The following SCHIP1 variants were observed in gnomAD, a reference collection of about 807,000 sequenced individuals.
SCHIP1 encodes schwannomin-interacting protein 1.
Under a neutral mutation model 29.7 loss-of-function variants are expected in SCHIP1, and 8 were observed. The ratio of observed to expected loss-of-function variants is 0.27; its 90% CI spans 0.16 to 0.49. The LOEUF (loss-of-function observed/expected upper bound fraction) is 0.49, where lower values mean the gene tolerates loss of function less well. SCHIP1 is among the 20% of genes least tolerant of loss of function. SCHIP1 has a pLI of 0.99. For synonymous variants in SCHIP1, 76 were observed against 94.9 expected, an observed-to-expected ratio of 0.80 and a Z score of 1.16; for missense variants, 193 against 294.6, an observed-to-expected ratio of 0.66 and a Z score of 2.52.
chr3:159,617,811 A>G, the SCHIP1 span, among the ~76,000 whole-genome samples: 3 of 152,190 alleles, frequency 2.0e-5, no homozygotes, highest in Admixed American at 6.5e-5. Context: ...TTTTCTATGC[A>G]TTTTCTTCCC....
intron 5 of SCHIP1, among the ~76,000 whole-genome samples, chr3:159,891,248 G>A (rs375142111): frequency 2.0e-5 from 3 of 152,232 alleles, no homozygotes; most frequent in East Asian, 3.9e-4. Context: ...GCACATGCCC[G>A]TAGTTCCAGC....
At chr3:159,458,294 T>C in the SCHIP1 span, among the ~76,000 whole-genome samples, 2 of 152,080 alleles carry the variant, frequency 1.3e-5, no homozygotes, top group African/African-American at 4.8e-5. Flanking sequence ...TACATCCCTC[T>C]CCTGAGAAAA....
At chr3:159,444,625 T>A in the SCHIP1 span, among the ~76,000 whole-genome samples, 2 of 152,140 alleles carry the variant, frequency 1.3e-5, no homozygotes. Flanking sequence ...TATAATCTAA[T>A]AACAGAGTTA....
the SCHIP1 span, among the ~76,000 whole-genome samples, chr3:159,301,003 T>C: frequency 0.026 from 3,908 of 152,300 alleles, 164 homozygotes; most frequent in African/African-American, 0.09. Context: ...ATATTTACTG[T>C]TAATAATGTG....
At chr3:159,300,113 C>CATTTTTTTTTT in the SCHIP1 span, among the ~76,000 whole-genome samples, 1 of 45,358 alleles carries the variant, frequency 2.2e-5, no homozygotes, top group Non-Finnish European at 4.0e-5. Context: ...GGGAAAGCTG[C>CATTTTTTTTTT]TTTTTTTTTT....
the SCHIP1 span, among the ~76,000 whole-genome samples, chr3:159,345,543 AGT>A: frequency 4.9e-5 from 7 of 141,686 alleles, no homozygotes; most frequent in African/African-American, 2.0e-4. Flanking sequence ...TTTTTACAGC[AGT>A]GTCTCTCTTT....
the SCHIP1 span, among the ~76,000 whole-genome samples, chr3:159,777,347 A>G: frequency 2.0e-5 from 3 of 152,204 alleles, no homozygotes; most frequent in Non-Finnish European, 4.4e-5. Context: ...AAGAAATCTT[A>G]AGGAGGAAAA....
At chr3:159,461,736 C>T in the SCHIP1 span, among the ~76,000 whole-genome samples, 8 of 151,648 alleles carry the variant, frequency 5.3e-5, no homozygotes, top group African/African-American at 9.7e-5. Flanking sequence ...TGATGGGAAA[C>T]GGAAGGGGGG....
the SCHIP1 span, among the ~76,000 whole-genome samples, chr3:159,816,950 G>A: frequency 1.8e-4 from 28 of 152,044 alleles, no homozygotes; most frequent in African/African-American, 6.8e-4. Flanking sequence ...TGACCCCCCG[G>A]CTTGATTAGA....
the SCHIP1 span, among the ~76,000 whole-genome samples, chr3:159,687,147 C>T: frequency 6.6e-6 from 1 of 152,086 alleles, no homozygotes; most frequent in Non-Finnish European, 1.5e-5. Context: ...CATGGACTGC[C>T]TCAGGTCATA....
the SCHIP1 span, among the ~76,000 whole-genome samples, chr3:159,655,044 C>G: frequency 6.6e-6 from 1 of 152,138 alleles, no homozygotes; most frequent in African/African-American, 2.4e-5. Context: ...GAGCACAGTA[C>G]AGTATAGTCA....
chr3:159,391,298 T>C, the SCHIP1 span, among the ~76,000 whole-genome samples: 3 of 152,196 alleles, frequency 2.0e-5, no homozygotes, highest in Admixed American at 1.3e-4. Flanking sequence ...TTCATCCAAA[T>C]GTTAGATTTC....
the SCHIP1 span, among the ~76,000 whole-genome samples, chr3:159,421,152 T>C: frequency 6.6e-6 from 1 of 152,224 alleles, no homozygotes; most frequent in African/African-American, 2.4e-5. Context: ...TTACCTGCTG[T>C]GTTGTTGGTT....
chr3:159,368,646 C>T, the SCHIP1 span, among the ~76,000 whole-genome samples: 1 of 152,100 alleles, frequency 6.6e-6, no homozygotes, highest in Non-Finnish European at 1.5e-5. Flanking sequence ...CTAACAGTAA[C>T]ATTAAAAACT....
intron 1 of SCHIP1, among the ~76,000 whole-genome samples, chr3:159,841,492 A>G (rs1744215787): frequency 6.6e-6 from 1 of 151,944 alleles, no homozygotes; most frequent in Non-Finnish European, 1.5e-5. Context: ...AAGTATCCAT[A>G]GAGAGCCTAA....
chr3:159,332,004 C>T, the SCHIP1 span, among the ~76,000 whole-genome samples: 4 of 152,146 alleles, frequency 2.6e-5, no homozygotes, highest in African/African-American at 9.7e-5. Context: ...CAGGTGTCAC[C>T]TCCTGAGGGT....
chr3:159,311,820 A>G, the SCHIP1 span, among the ~76,000 whole-genome samples: 1 of 152,108 alleles, frequency 6.6e-6, no homozygotes, highest in Admixed American at 6.6e-5. Flanking sequence ...TTATTTTCTT[A>G]TTTATGTCTC....
chr3:159,828,385 A>ACG, the SCHIP1 span, among the ~76,000 whole-genome samples: 3 of 71,658 alleles, frequency 4.2e-5, no homozygotes, highest in Non-Finnish European at 8.8e-5. Context: ...ACATATATAT[A>ACG]TACATATATA....
At chr3:159,851,103 AT>A (rs1712571962) in intron 1 of SCHIP1, among the ~76,000 whole-genome samples, 1 of 152,042 alleles carries the variant, frequency 6.6e-6, no homozygotes, top group Non-Finnish European at 1.5e-5. Context: ...GTGAGATCCC[AT>A]CCCTACAAAA....
Sources: gnomAD v4.1 joint callset for allele counts (sites outside exome capture counted in the v4.1 genomes callset) on GRCh38, gnomAD v4.1.1 for gene constraint, MANE v1.5 for transcripts, NCBI Gene and HGNC (gene_info 2026-07-23, HGNC 2026-07-21) for gene names.